Variants in KIFC3 observed in about 807,000 individuals in gnomAD.
KIFC3 encodes the protein kinesin-like protein KIFC3.
In KIFC3, 60 loss-of-function variants were observed where a neutral mutation model predicts 101.8. The ratio of observed to expected loss-of-function variants is 0.59; its 90% CI spans 0.48 to 0.73. The LOEUF (loss-of-function observed/expected upper bound fraction) is 0.73, where lower values mean the gene tolerates loss of function less well. Ranked by LOEUF, KIFC3 falls within the 30% of genes least tolerant of loss-of-function variation. KIFC3 has a pLI of 0.00. For missense variants in KIFC3, 966 were observed against 1,137.1 expected (o/e 0.85, Z 2.16); for synonymous variants, 476 against 482.7 (o/e 0.99, Z 0.18).
At chr16:57,780,153 TG>T (rs1314804422) in intron 3 of KIFC3, among the ~76,000 whole-genome samples, 2 of 152,224 alleles carry the variant, frequency 1.3e-5, no homozygotes, top group Non-Finnish European at 2.9e-5. Context: ...AGAGCCAAAC[TG>T]TATCAGATGG....
intron 11 of KIFC3, chr16:57,764,464 C>G: frequency 1.8e-6 from 1 of 548,376 alleles, no homozygotes; most frequent in South Asian, 2.1e-5. Flanking sequence ...GGAAGACAGG[C>G]CAGTGCCTGC....
intron 1 of KIFC3, among the ~76,000 whole-genome samples, chr16:57,826,623 G>A (rs1186862132): frequency 6.6e-6 from 1 of 152,178 alleles, no homozygotes; most frequent in Non-Finnish European, 1.5e-5. Context: ...AGTTACTAGA[G>A]GGAGGCTCAT....
intron 1 of KIFC3, among the ~76,000 whole-genome samples, chr16:57,832,529 G>GGTCT (rs1555479583): frequency 6.6e-6 from 1 of 151,784 alleles, no homozygotes; most frequent in East Asian, 1.9e-4. Flanking sequence ...TGGCTAGGCT[G>GGTCT]GTCTAGAACT....
intron 1 of KIFC3, among the ~76,000 whole-genome samples, chr16:57,808,703 T>C (rs891516310): frequency 2.0e-5 from 3 of 152,160 alleles, no homozygotes; most frequent in Non-Finnish European, 1.5e-5. Flanking sequence ...CATTTCTGTG[T>C]TAAGGAGAGA....
At chr16:57,842,241 T>G (rs907862989) in intron 1 of KIFC3, among the ~76,000 whole-genome samples, 5 of 152,126 alleles carry the variant, frequency 3.3e-5, no homozygotes, top group Non-Finnish European at 5.9e-5. Context: ...CTTAGCGCTG[T>G]CTGAAATGAT....
intron 2 of KIFC3, 128 bp from the exon 3 acceptor site, chr16:57,795,269 A>G: frequency 8.6e-7 from 1 of 1,167,378 alleles, no homozygotes; most frequent in Non-Finnish European, 1.2e-6. Context: ...AGATGTGGCC[A>G]GGAGGGGCTC....
At chr16:57,801,006 G>A (rs1274045936) in intron 1 of KIFC3, among the ~76,000 whole-genome samples, 1 of 152,208 alleles carries the variant, frequency 6.6e-6, no homozygotes, top group Non-Finnish European at 1.5e-5. Context: ...ATAAAATGGG[G>A]AGAACACCAC....
chr16:57,837,535 G>A (rs1480184841), intron 1 of KIFC3, among the ~76,000 whole-genome samples: 1 of 91,684 alleles, frequency 1.1e-5, no homozygotes, highest in Non-Finnish European at 2.3e-5. Flanking sequence ...GAGAAAGAAA[G>A]AAAGAGAAAG....
chr16:57,779,706 C>T (rs916040879), intron 3 of KIFC3, among the ~76,000 whole-genome samples: 2 of 152,038 alleles, frequency 1.3e-5, no homozygotes, highest in South Asian at 2.1e-4. Context: ...CCCAGCTATG[C>T]GGGAGCCGGA....
chr16:57,810,276 C>T (rs2055038663), intron 1 of KIFC3, among the ~76,000 whole-genome samples: 1 of 152,180 alleles, frequency 6.6e-6, no homozygotes, highest in African/African-American at 2.4e-5. Flanking sequence ...ATAGCCACAG[C>T]CCCTGACCAC....
chr16:57,760,738 G>C lies in KIFC3; in HGVS notation c.2220C>G (p.Leu740=), dbSNP rs781997129. The C allele has an allele frequency of 1.2e-6, 2 of 1,613,712 alleles. No individual in the cohort carries two copies. Among genetic ancestry groups the C allele is most frequent in the Admixed American group, 3.3e-5 (2 of 60,018 alleles). ...CCAAGGTCCTCACCTGTACCACCAT[G>C]AGGGTCTTGCTGTCACCACTAAGCG... ...QDSLSGDSKT[L]MVVQVSPVEK... The change falls in exon 16 of 20, where the codon CTC becomes CTG. Residue 740 remains leucine (L), a synonymous_variant. Coordinates refer to ENST00000445690, the MANE Select transcript of KIFC3 (RefSeq NM_001130100.2).
At chr16:57,761,286 CTG>C (rs2049820297) in intron 14 of KIFC3, 115 bp from the exon 15 acceptor site, 19 of 1,582,788 alleles carry the variant, frequency 1.2e-5, no homozygotes, top group East Asian at 2.2e-5. Context: ...GATGAGGAAA[CTG>C]AGGCTCAGAG....
intron 1 of KIFC3, chr16:57,846,473 A>G (rs1402282847): frequency 6.6e-6 from 1 of 152,354 alleles, no homozygotes; most frequent in African/African-American, 2.4e-5. Context: ...TGCGGCAGAC[A>G]CTGGAATGCG....
intron 1 of KIFC3, among the ~76,000 whole-genome samples, chr16:57,835,604 C>T (rs901779028): frequency 2.0e-5 from 3 of 152,122 alleles, no homozygotes; most frequent in Admixed American, 6.5e-5. Context: ...ACAGAGGAAC[C>T]GTGATTCACC....
chr16:57,771,055 C>A (rs2051120014), intron 6 of KIFC3, 143 bp downstream of exon 6: 2 of 1,092,940 alleles, frequency 1.8e-6, no homozygotes, highest in East Asian at 2.5e-5. Context: ...GGGGAAGGGG[C>A]AGGACCAAGC....
chr16:57,792,562 T>C (rs972452310), intron 3 of KIFC3, among the ~76,000 whole-genome samples: 5 of 152,294 alleles, frequency 3.3e-5, no homozygotes, highest in South Asian at 4.1e-4. Flanking sequence ...AAATAATTTA[T>C]GGTAAGCCCT....
chr16:57,812,328 C>T (rs1368011706), intron 1 of KIFC3, among the ~76,000 whole-genome samples: 1 of 148,258 alleles, frequency 6.7e-6, no homozygotes, highest in Admixed American at 6.8e-5. Context: ...AGGCATGAGC[C>T]ACTGCGCCCA....
At chr16:57,804,040 A>C (rs1243763157), upstream of KIFC3, among the ~76,000 whole-genome samples, 1 of 152,072 alleles carries the variant, frequency 6.6e-6, no homozygotes, top group Non-Finnish European at 1.5e-5. Context: ...AAAACTGGAG[A>C]CTTTTTCTTA....
At position 57,760,853 on chromosome 16, in the gene KIFC3, G is replaced by C; in HGVS notation, c.2105C>G (p.Ser702Trp). 6.2e-7 allele frequency: 1 copy of C among 1,613,014 alleles called. No individual in the cohort carries two copies. The highest frequency in any genetic ancestry group is 1.1e-5 in the South Asian group (1 of 91,084). The change falls in exon 16 of 20, where the codon TCG (serine) becomes TGG (tryptophan). Residue 702 changes from serine (S) to tryptophan (W), a missense_variant. Ser to Trp is a radical substitution (Grantham distance 177). Transcript: ENST00000445690. The stretch of plus-strand genomic sequence containing the variant: ...GGCAGCAATGACGTCCCCCAGAGCC[G>C]ACAGCGACTTGTTGATGTGCTGCGC... ...REAQHINKSL[S>W]ALGDVIAALR...
Sources: allele counts gnomAD v4.1 joint callset (sites outside exome capture counted in the v4.1 genomes callset), GRCh38; gene constraint gnomAD v4.1.1; transcripts MANE v1.5; gene names NCBI Gene and HGNC (gene_info 2026-07-23, HGNC 2026-07-21).